The following LY75 variants were observed in gnomAD, a reference collection of about 807,000 sequenced individuals.
LY75 encodes C-type lectin domain family 13 member B.
A neutral mutation model predicts 231.7 loss-of-function variants in LY75; 185 were observed. That is an observed-to-expected ratio of 0.80 (90% CI 0.71 to 0.90). The LOEUF (loss-of-function observed/expected upper bound fraction) is 0.90, where lower values mean the gene tolerates loss of function less well. Among genes scored for constraint, LY75 ranks in the 40% least tolerant of loss-of-function variants. The pLI, the probability that LY75 is intolerant of heterozygous loss-of-function variation, is 0.00. For missense variants in LY75, 1,947 were observed against 2,050.2 expected (o/e 0.95, Z 0.97); for synonymous variants, 668 against 689.0 (o/e 0.97, Z 0.48).
intron 2 of LY75, among the ~76,000 whole-genome samples, chr2:159,897,389 CA>C (rs758366572): frequency 8.5e-5 from 13 of 152,130 alleles, no homozygotes; most frequent in Non-Finnish European, 1.5e-4. Context: ...AAGTCATATC[CA>C]AAAAGCAACT....
chr2:159,827,805 C>T (rs1454731858), intron 28 of LY75, among the ~76,000 whole-genome samples: 3 of 152,240 alleles, frequency 2.0e-5, no homozygotes, highest in African/African-American at 7.2e-5. Context: ...CTGTCCTTTG[C>T]AGGGACATGG....
intron 3 of LY75, among the ~76,000 whole-genome samples, chr2:159,892,857 C>T (rs143561752): frequency 1.3e-5 from 2 of 152,266 alleles, no homozygotes; most frequent in African/African-American, 2.4e-5. Flanking sequence ...CTGACAAACA[C>T]ACAGGAATGG....
chr2:159,860,153 A>T (rs1425398292), intron 15 of LY75, among the ~76,000 whole-genome samples: 3 of 152,172 alleles, frequency 2.0e-5, no homozygotes, highest in Non-Finnish European at 4.4e-5. Context: ...TCTGCAAAGG[A>T]AGATGCCTCA....
intron 1 of LY75, chr2:159,902,935 C>T (rs1054058243): frequency 2.0e-5 from 3 of 152,206 alleles, no homozygotes; most frequent in African/African-American, 7.2e-5. Context: ...GTAATAGAGG[C>T]CACCTGCACA....
At position 159,808,492 on chromosome 2, in the gene LY75, G is replaced by A. The variant is rs1462302643; in HGVS notation, c.4779C>T (p.Asn1593=). The A allele has an allele frequency of 2.5e-6, 4 of 1,613,720 alleles. No individual in the cohort carries two copies. Among genetic ancestry groups the A allele is most frequent in the Middle Eastern group, 3.3e-4 (2 of 6,080 alleles). Residue 1593 remains asparagine (N), a synonymous_variant, in exon 33 of 35, where the codon AAC becomes AAT. Transcript: ENST00000263636. ...ATCCAAGCCAAACTCTCATGGTAATGTTATTATTTTCCCTCATCAGTCTGC... is the reference window on the plus strand; with the variant it reads ...ATCCAAGCCAAACTCTCATGGTAATATTATTATTTTCCCTCATCAGTCTGC... ...FVSRLMRENN[N]ITMRVWLGLS...
intron 21 of LY75, 53 bp downstream of exon 21, chr2:159,852,148 A>G: frequency 3.8e-6 from 6 of 1,597,320 alleles, no homozygotes; most frequent in Non-Finnish European, 5.1e-6. Context: ...CATAGGCTAT[A>G]AAACCAGCAT....
In LY75 at chr2:159,858,377, A is replaced by G; in HGVS notation, c.2368T>C (p.Cys790Arg). The change falls in exon 16 of 35, where the codon TGC becomes CGC. Residue 790 changes from cysteine to arginine, a missense_variant. By Grantham distance (180) the Cys-to-Arg change is radical. Coordinates refer to ENST00000263636, the MANE Select transcript of LY75 (RefSeq NM_002349.4). Reference sequence around the variant, plus strand: ...TACCACTTACCTTTTGGAATTTGGCACACCCATTCAAGTTTTGTATCACAA... The same window carrying G: ...TACCACTTACCTTTTGGAATTTGGCGCACCCATTCAAGTTTTGTATCACAA... ...FACDTKLEWV[C>R]QIPKGRTPKT... 1 of 1,613,300 alleles carries G rather than the reference A, an allele frequency of 6.2e-7. No homozygotes were observed. The highest frequency in any genetic ancestry group is 8.5e-7 in the Non-Finnish European group (1 of 1,179,694).
At chr2:159,902,824 G>T (rs1686119138) in intron 1 of LY75, 1 of 152,188 alleles carries the variant, frequency 6.6e-6, no homozygotes, top group Non-Finnish European at 1.5e-5. Context: ...GTCCCTGATG[G>T]ATTGGTTTAC....
intron 13 of LY75, among the ~76,000 whole-genome samples, chr2:159,869,343 C>A (rs1684944461): frequency 6.6e-6 from 1 of 151,646 alleles, no homozygotes; most frequent in Non-Finnish European, 1.5e-5. Flanking sequence ...CCAGAGGTGG[C>A]CACCATGAGG....
rs752039507 is a variant in LY75, at chr2:159,816,932, T to A, written c.4254A>T (p.Ala1418=). ...VIQKKVTWYE[A]LNMCSQSGGH... Reference sequence around the variant, plus strand: ...CTCCACTTTGAGAACACATGTTTAATGCTTCATACCATGTTACCTTTTTTT... The same window carrying A: ...CTCCACTTTGAGAACACATGTTTAAAGCTTCATACCATGTTACCTTTTTTT... Residue 1418 remains alanine, a synonymous_variant, in exon 30 of 35, where the codon GCA becomes GCT. Transcript: ENST00000263636. 1 of 1,614,220 alleles carries A rather than the reference T, an allele frequency of 6.2e-7. No homozygotes were observed. The highest frequency in any genetic ancestry group is 1.1e-5 in the South Asian group (1 of 91,088).
chr2:159,811,445 C>T (rs1682958038), intron 31 of LY75, among the ~76,000 whole-genome samples: 1 of 151,816 alleles, frequency 6.6e-6, no homozygotes, highest in South Asian at 2.1e-4. Context: ...TTAATTCCAA[C>T]CGAAGAGCAT....
intron 25 of LY75, among the ~76,000 whole-genome samples, chr2:159,838,344 C>A (rs1683898109): frequency 6.6e-6 from 1 of 152,016 alleles, no homozygotes; most frequent in Non-Finnish European, 1.5e-5. Flanking sequence ...AAAAGAGAAC[C>A]ATAGGTAAAG....
chr2:159,875,636 C>A lies in LY75; in HGVS notation c.1782G>T (p.Pro594=). 1.2e-6 allele frequency: 2 copies of A among 1,613,536 alleles called. No individual in the cohort carries two copies. Among genetic ancestry groups the A allele is most frequent in the South Asian group, 1.1e-5 (1 of 90,998 alleles). Residue 594 remains proline (P), a synonymous_variant, in exon 12 of 35, where the codon CCG becomes CCT. Coordinates refer to ENST00000263636, the MANE Select transcript of LY75 (RefSeq NM_002349.4). The part of the protein sequence containing the change: ...SNWNFLEPAS[P]GGCVAMSTGK... ...CAGTAGACATAGCCACGCAGCCGCCCGGGGAAGCTGGGATTGAAGTGGAAA... is the reference window on the plus strand; with the variant it reads ...CAGTAGACATAGCCACGCAGCCGCCAGGGGAAGCTGGGATTGAAGTGGAAA...
chr2:159,861,871 C>T (rs1684714260), intron 14 of LY75, among the ~76,000 whole-genome samples: 1 of 152,102 alleles, frequency 6.6e-6, no homozygotes, highest in Non-Finnish European at 1.5e-5. Flanking sequence ...AAAACAATCA[C>T]TTGTGGCCAG....
rs755268789 is a variant in LY75, at chr2:159,853,310, C to G, written c.2706G>C (p.Glu902Asp). 5.1e-5 allele frequency: 82 copies of G among 1,613,286 alleles called. No individual in the cohort carries two copies. Among genetic ancestry groups the G allele is most frequent in the Non-Finnish European group, 7.0e-5 (82 of 1,179,524 alleles). The change falls in exon 20 of 35, where the codon GAG (glutamate) becomes GAC (aspartate). Residue 902 changes from glutamate to aspartate, a missense_variant. Physicochemically the swap from Glu to Asp is conservative, Grantham distance 45 (BLOSUM62 2). Coordinates refer to ENST00000263636, the MANE Select transcript of LY75 (RefSeq NM_002349.4). Reference sequence around the variant, plus strand: ...TCTTGGCAGACATGTACAAGCATTCCTCTCCAAATGTCACAGGAAAGCGGT... The same window carrying G: ...TCTTGGCAGACATGTACAAGCATTCGTCTCCAAATGTCACAGGAAAGCGGT... Reference protein sequence around the residue: ...PWHRFPVTFGEECLYMSAKTW... With the variant: ...PWHRFPVTFGDECLYMSAKTW...
rs542143969 is a variant in LY75 at position 159,871,881 on chromosome 2, G to A, written c.2117+570C>T. ...CGCACCTTGTTTTTGTTTTTTGTTT[G>A]GTTGTGTTTAATTACTTAAGATCAA... On this transcript the variant is annotated intron_variant, in intron 13 of 34. Transcript: ENST00000263636. The A allele has an allele frequency of 2.4e-4, 37 of 152,518 alleles. 1 individual carries two copies. Among genetic ancestry groups the A allele is most frequent in the African/African-American group, 8.2e-4 (34 of 41,518 alleles). The allele number at this position is 152,518 out of a possible 1,614,324, so 9.4% of individuals were successfully genotyped here.
At chr2:159,827,303 T>G (rs1683502216) in intron 28 of LY75, among the ~76,000 whole-genome samples, 1 of 152,106 alleles carries the variant, frequency 6.6e-6, no homozygotes, top group Non-Finnish European at 1.5e-5. Context: ...GCAAAGGATA[T>G]GAACAGACAC....
At chr2:159,831,274 CT>C (rs1227038741) in intron 28 of LY75, among the ~76,000 whole-genome samples, 26 of 152,274 alleles carry the variant, frequency 1.7e-4, no homozygotes, top group African/African-American at 6.0e-4. Flanking sequence ...ACTCTCTCTC[CT>C]GCTCCACCAT....
chr2:159,810,748 TC>T (rs1682936374), intron 31 of LY75, 73 bp from the exon 32 acceptor site: 1 of 1,580,656 alleles, frequency 6.3e-7, no homozygotes, highest in Admixed American at 1.8e-5. Context: ...TACTTCAATG[TC>T]CCTGATTGGA....
Sources: gnomAD v4.1 joint callset for allele counts (sites outside exome capture counted in the v4.1 genomes callset) on GRCh38, gnomAD v4.1.1 for gene constraint, MANE v1.5 for transcripts, NCBI Gene and HGNC (gene_info 2026-07-23, HGNC 2026-07-21) for gene names.